Variants in CCDC102B observed in about 807,000 individuals in gnomAD.
The protein encoded by CCDC102B is coiled-coil domain containing 102B, also known as coiled-coil domain-containing protein 102B.
A neutral mutation model predicts 57.4 loss-of-function variants in CCDC102B; 75 were observed. That is an observed-to-expected ratio of 1.31 (90% CI 1.08 to 1.58). CCDC102B has a LOEUF of 1.58. CCDC102B is among the 40% of genes most tolerant of loss of function. The pLI is 0.00. For missense variants in CCDC102B, 636 were observed against 582.6 expected (o/e 1.09, Z -0.94); for synonymous variants, 206 against 201.9 (o/e 1.02, Z -0.17).
At chr18:68,729,770 A>C (rs949088316) in intron 2 of CCDC102B, among the ~76,000 whole-genome samples, 10 of 152,224 alleles carry the variant, frequency 6.6e-5, no homozygotes, top group Admixed American at 5.9e-4. Flanking sequence ...AAATGTTGCA[A>C]GTCAAAGGGA....
At chr18:68,776,428 T>C (rs780294328) in intron 2 of CCDC102B, among the ~76,000 whole-genome samples, 3 of 152,168 alleles carry the variant, frequency 2.0e-5, no homozygotes, top group Non-Finnish European at 2.9e-5. Flanking sequence ...TGTCCATGAA[T>C]AGAAAACAGA....
At chr18:68,766,693 T>C (rs764023420) in intron 2 of CCDC102B, among the ~76,000 whole-genome samples, 12 of 152,178 alleles carry the variant, frequency 7.9e-5, no homozygotes, top group Non-Finnish European at 1.2e-4. Context: ...CTTTTCATTT[T>C]GGATACTTTG....
chr18:68,857,094 A>T (rs1457893928), intron 4 of CCDC102B, among the ~76,000 whole-genome samples: 1 of 109,176 alleles, frequency 9.2e-6, no homozygotes, highest in African/African-American at 3.6e-5. Context: ...ATATTTATAT[A>T]TTTTTATATA....
chr18:68,958,119 G>T (rs1409598778), intron 6 of CCDC102B, among the ~76,000 whole-genome samples: 1 of 152,040 alleles, frequency 6.6e-6, no homozygotes, highest in African/African-American at 2.4e-5. Flanking sequence ...TAAACTATCA[G>T]GTCTTGTAAG....
chr18:68,797,463 T>A (rs2035671934), upstream of CCDC102B, among the ~76,000 whole-genome samples: 1 of 151,834 alleles, frequency 6.6e-6, no homozygotes, highest in Admixed American at 6.6e-5. Context: ...GACAGCTGAG[T>A]CATGTCAATG....
intron 7 of CCDC102B, among the ~76,000 whole-genome samples, chr18:69,034,915 C>T (rs2052247108): frequency 1.3e-5 from 2 of 151,762 alleles, no homozygotes; most frequent in African/African-American, 2.4e-5. Context: ...TAATTGTCCA[C>T]TTAGAGAAAA....
intron 6 of CCDC102B, among the ~76,000 whole-genome samples, chr18:68,990,845 A>C (rs1056250619): frequency 6.6e-6 from 1 of 152,174 alleles, no homozygotes; most frequent in Non-Finnish European, 1.5e-5. Flanking sequence ...AAAATTTAAG[A>C]GCTGTTAATA....
chr18:68,936,132 T>C (rs752736873), intron 6 of CCDC102B, among the ~76,000 whole-genome samples: 16 of 151,982 alleles, frequency 1.1e-4, no homozygotes, highest in Non-Finnish European at 1.2e-4. Flanking sequence ...ATAAGACTTA[T>C]ATGAAACAAA....
chr18:68,779,733 T>TGATTC (rs1382385694), intron 2 of CCDC102B, among the ~76,000 whole-genome samples: 1 of 151,894 alleles, frequency 6.6e-6, no homozygotes, highest in Non-Finnish European at 1.5e-5. Flanking sequence ...TAGAGATGAG[T>TGATTC]TACATTATTG....
chr18:68,937,942 C>T (rs1192070996), intron 6 of CCDC102B, among the ~76,000 whole-genome samples: 1 of 151,984 alleles, frequency 6.6e-6, no homozygotes, highest in African/African-American at 2.4e-5. Context: ...TGAACTCATC[C>T]TTTTTTATGG....
At position 68,825,177 on chromosome 18, in the gene CCDC102B, T is replaced by C. The variant is rs148451845; in HGVS notation, c.-15-11572T>C. On this transcript the variant is annotated intron_variant, in intron 1 of 7. Coordinates refer to ENST00000360242, the MANE Select transcript of CCDC102B (RefSeq NM_024781.3). ...TATTGAGAGACATTAAAATGATTTA[T>C]TCTCATAGTAAATGAAACTGATGAA... Among the ~76,000 whole-genome samples, 169 of 152,328 alleles carry C rather than the reference T, an allele frequency of 1.1e-3. 1 individual carries two copies. Among genetic ancestry groups the C allele is most frequent in the South Asian group, 9.1e-3 (44 of 4,830 alleles).
chr18:68,810,692 T>C (rs1229148680), intron 1 of CCDC102B, among the ~76,000 whole-genome samples: 1 of 142,454 alleles, frequency 7.0e-6, no homozygotes, highest in Admixed American at 6.9e-5. Context: ...TTTTTTTTTT[T>C]TTTTTTTTTT....
At chr18:69,006,650 C>G (rs1032606626) in intron 6 of CCDC102B, among the ~76,000 whole-genome samples, 3 of 147,666 alleles carry the variant, frequency 2.0e-5, no homozygotes, top group African/African-American at 5.1e-5. Context: ...ACCATGTTGA[C>G]CAGGCTGGTC....
At chr18:68,849,745 T>C (rs1004514656) in intron 4 of CCDC102B, among the ~76,000 whole-genome samples, 1 of 152,138 alleles carries the variant, frequency 6.6e-6, no homozygotes, top group Non-Finnish European at 1.5e-5. Context: ...GGATGCCCAC[T>C]GACAGCACGC....
chr18:68,746,846 CATT>C (rs1599401495), intron 2 of CCDC102B, among the ~76,000 whole-genome samples: 2 of 151,952 alleles, frequency 1.3e-5, no homozygotes, highest in East Asian at 3.9e-4. Flanking sequence ...CCATAAATAT[CATT>C]ACCACGATCA....
intron 2 of CCDC102B, among the ~76,000 whole-genome samples, chr18:68,746,537 G>T (rs1599401006): frequency 6.6e-6 from 1 of 152,018 alleles, no homozygotes; most frequent in East Asian, 1.9e-4. Context: ...CGAAATGATG[G>T]CTTCAGAGGT....
At chr18:68,865,139 G>A (rs1423454141) in intron 4 of CCDC102B, among the ~76,000 whole-genome samples, 1 of 152,072 alleles carries the variant, frequency 6.6e-6, no homozygotes, top group Non-Finnish European at 1.5e-5. Flanking sequence ...AAATCAGGTT[G>A]TGTAAAAATG....
intron 2 of CCDC102B, among the ~76,000 whole-genome samples, chr18:68,739,235 A>G (rs2145218852): frequency 6.6e-6 from 1 of 152,240 alleles, no homozygotes; most frequent in African/African-American, 2.4e-5. Context: ...GTCTAAAGTG[A>G]TCTGCCCAAC....
rs1282199073 is a variant in CCDC102B, at chr18:68,839,017, AT to A, written c.827+95del. 4.4e-5 allele frequency: 45 copies of A among 1,020,464 alleles called. 1 individual carries two copies. Among genetic ancestry groups the A allele is most frequent in the Non-Finnish European group, 5.7e-5 (38 of 665,504 alleles). 63.2% of individuals were successfully genotyped at this position (1,020,464 alleles called of 1,614,324 possible). ...AGATAGATTGGTCATTTGATAATGT[AT>A]TTTATCCATGTTTAGTCATTAAGTT... On this transcript the variant is annotated intron_variant, in intron 3 of 7. Transcript: ENST00000360242.
Sources: gnomAD v4.1 joint callset for allele counts (sites outside exome capture counted in the v4.1 genomes callset) on GRCh38, gnomAD v4.1.1 for gene constraint, MANE v1.5 for transcripts, NCBI Gene and HGNC (gene_info 2026-07-23, HGNC 2026-07-21) for gene names.